SRSF7: variants seen among roughly 807,000 people sequenced by gnomAD.
SRSF7 encodes serine/arginine-rich splicing factor 7.
A neutral mutation model predicts 42.2 loss-of-function variants in SRSF7; 15 were observed. The ratio of observed to expected loss-of-function variants is 0.36; its 90% CI spans 0.24 to 0.55. The LOEUF is 0.55. Ranked by LOEUF, SRSF7 falls within the 20% of genes least tolerant of loss-of-function variation. The probability of loss-of-function intolerance (pLI) is 0.88; values close to 1 mark genes in which losing one functional copy is unlikely to be tolerated. For synonymous variants in SRSF7, 138 were observed against 107.9 expected (o/e 1.28, Z -1.73); for missense variants, 181 against 305.9 (o/e 0.59, Z 3.04).
chr2:38,748,020 C>CA (rs1558610695), intron 5 of SRSF7, 27 bp downstream of exon 5: 13 of 1,541,666 alleles, frequency 8.4e-6, no homozygotes, highest in African/African-American at 1.4e-5. Context: ...AATCCAAACA[C>CA]AAGTAAGGAA....
At chr2:38,746,828 G>C (rs1667490445) in intron 5 of SRSF7, 81 bp from the exon 6 acceptor site, 5 of 1,583,148 alleles carry the variant, frequency 3.2e-6, no homozygotes, top group South Asian at 1.1e-5. Flanking sequence ...GTATTAGGTT[G>C]GTCAGGCATA....
chr2:38,749,326 G>C, intron 3 of SRSF7: 1 of 1,519,268 alleles, frequency 6.6e-7, no homozygotes, highest in Non-Finnish European at 8.9e-7. Flanking sequence ...GAATCAAGGC[G>C]ACTGACTCAA....
chr2:38,750,526 C>A (rs1337186594), intron 1 of SRSF7, among the ~76,000 whole-genome samples: 1 of 151,636 alleles, frequency 6.6e-6, no homozygotes, highest in Non-Finnish European at 1.5e-5. Flanking sequence ...CGGGAGCGCG[C>A]GGGCCCGCAG....
chr2:38,751,296 C>A lies in SRSF7; in HGVS notation c.-40G>T. 41 of 1,613,808 alleles carry A rather than the reference C, an allele frequency of 2.5e-5. No homozygotes were observed. The African/African-American group carries it at 4.9e-4, about 19-fold the overall frequency. On this transcript the variant is annotated 5_prime_UTR_variant, in exon 1 of 8. Coordinates refer to ENST00000313117, the MANE Select transcript of SRSF7 (RefSeq NM_001031684.3). ...GTGCTCGGCTCTTTAGCAAGCAGCG[C>A]CCAGGGCTCGAGTGACGCAAAAGCT...
At chr2:38,749,021 A>G in intron 3 of SRSF7, 1 of 1,291,508 alleles carries the variant, frequency 7.7e-7, no homozygotes, top group South Asian at 1.3e-5. Flanking sequence ...TCAAACTGAC[A>G]GCCAAATGAG....
intron 1 of SRSF7, 111 bp downstream of exon 1, chr2:38,751,118 C>T: frequency 6.9e-7 from 1 of 1,445,068 alleles, no homozygotes. Context: ...TGCTCCTAAG[C>T]CGCCATTACG....
At chr2:38,748,379 A>G (rs1158154755) in intron 4 of SRSF7, among the ~76,000 whole-genome samples, 200 bp downstream of exon 4, 2 of 152,058 alleles carry the variant, frequency 1.3e-5, no homozygotes, top group East Asian at 3.8e-4. Flanking sequence ...AGTCCCAGCT[A>G]CTCGGGAGGC....
chr2:38,745,809 G>A (rs1667298699), intron 7 of SRSF7, among the ~76,000 whole-genome samples: 1 of 152,016 alleles, frequency 6.6e-6, no homozygotes, highest in South Asian at 2.1e-4. Flanking sequence ...GAAGCACTAG[G>A]CAGGTAACTA....
At chr2:38,749,383 A>G (rs1389307142) in intron 3 of SRSF7, 146 bp downstream of exon 3, 1 of 1,543,336 alleles carries the variant, frequency 6.5e-7, no homozygotes, top group Non-Finnish European at 8.7e-7. Flanking sequence ...TTAATATAGT[A>G]ACATTTTTTT....
intron 7 of SRSF7, 76 bp downstream of exon 7, chr2:38,746,059 TCAAAGACTG>T: frequency 7.1e-7 from 1 of 1,402,788 alleles, no homozygotes; most frequent in South Asian, 1.2e-5. Flanking sequence ...TCCAAAGAGC[TCAAAGACTG>T]CAAAGCAGTA....
chr2:38,749,926 C>G (rs1668029164), intron 2 of SRSF7, 88 bp downstream of exon 2: 1 of 1,439,938 alleles, frequency 6.9e-7, no homozygotes, highest in South Asian at 1.4e-5. Context: ...AGGTCTCTTC[C>G]AGACTTCAGA....
intron 1 of SRSF7, among the ~76,000 whole-genome samples, chr2:38,750,607 C>A (rs914990921): frequency 1.3e-5 from 2 of 151,918 alleles, no homozygotes; most frequent in African/African-American, 2.4e-5. Flanking sequence ...CGCCGGCTCT[C>A]GTCCTCCGCG....
chr2:38,745,642 G>A (rs1044962481), intron 7 of SRSF7, among the ~76,000 whole-genome samples: 3 of 150,506 alleles, frequency 2.0e-5, no homozygotes, highest in South Asian at 2.1e-4. Flanking sequence ...GGGACAGAGC[G>A]AAAACTCCAT....
chr2:38,745,047 T>C lies in SRSF7; in HGVS notation c.*86A>G. ...TTTGATTAGATGGTTGAATTATCTT[T>C]CCTAGGTTACACTTTACAGACATCA... On this transcript the variant is annotated 3_prime_UTR_variant, in exon 8 of 8. Transcript: ENST00000313117. 7.5e-7 allele frequency: 1 copy of C among 1,337,954 alleles called. No homozygotes were observed. Among genetic ancestry groups the C allele is most frequent in the East Asian group, 2.3e-5 (1 of 43,010 alleles). 82.9% of individuals were successfully genotyped at this position (1,337,954 alleles called of 1,614,324 possible).
In SRSF7 at chr2:38,751,343, A is replaced by G; in HGVS notation, c.-87T>C. 6.3e-7 allele frequency: 1 copy of G among 1,590,000 alleles called. No homozygotes were observed. Among genetic ancestry groups the G allele is most frequent in the Non-Finnish European group, 8.6e-7 (1 of 1,160,734 alleles). Reference sequence around the variant, plus strand: ...AGCTGACACACACCTTCACCCGCCAAGAGTCCCGGCGGCACTACGAGGAAG... The same window carrying G: ...AGCTGACACACACCTTCACCCGCCAGGAGTCCCGGCGGCACTACGAGGAAG... On this transcript the variant is annotated 5_prime_UTR_variant, in exon 1 of 8. Transcript: ENST00000313117.
At chr2:38,751,030 G>C in intron 1 of SRSF7, 199 bp downstream of exon 1, 1 of 637,208 alleles carries the variant, frequency 1.6e-6, no homozygotes, top group Non-Finnish European at 2.8e-6. Context: ...CAAGAGTACG[G>C]AACTCGGCAG....
rs368229279 is a variant in SRSF7, at chr2:38,748,518, T to A, written c.461+61A>T. ...CAAAAAAAATAATGAGCTTTTTCTGTGTTGGACTACCAGTGAATTTAATAA... is the reference window on the plus strand; with the variant it reads ...CAAAAAAAATAATGAGCTTTTTCTGAGTTGGACTACCAGTGAATTTAATAA... On this transcript the variant is annotated intron_variant, in intron 4 of 7. Transcript: ENST00000313117. 4 of 1,537,440 alleles carry A rather than the reference T, an allele frequency of 2.6e-6. No homozygotes were observed. The African/African-American group carries it at 5.5e-5, about 21-fold the overall frequency.
chr2:38,750,562 G>A (rs963157086), intron 1 of SRSF7, among the ~76,000 whole-genome samples: 21 of 151,750 alleles, frequency 1.4e-4, no homozygotes, highest in African/African-American at 5.1e-4. Context: ...CGGCGGGAGG[G>A]CCTCGGTAGG....
chr2:38,745,883 C>T (rs1010293657), intron 7 of SRSF7, among the ~76,000 whole-genome samples: 2 of 152,160 alleles, frequency 1.3e-5, no homozygotes, highest in Middle Eastern at 3.2e-3. Flanking sequence ...ATCTATCTTA[C>T]CAAAATTTCT....
Sources: gnomAD v4.1 joint callset for allele counts (sites outside exome capture counted in the v4.1 genomes callset) on GRCh38, gnomAD v4.1.1 for gene constraint, MANE v1.5 for transcripts, NCBI Gene and HGNC (gene_info 2026-07-23, HGNC 2026-07-21) for gene names.